Variants in TTC29 observed in about 807,000 individuals in gnomAD.
TTC29 encodes the protein tetratricopeptide repeat protein 29.
A neutral mutation model predicts 58.1 loss-of-function variants in TTC29; 49 were observed. That is an observed-to-expected ratio of 0.84 (90% confidence interval 0.67 to 1.07). The LOEUF is 1.07. Among genes scored for constraint, TTC29 ranks in the 50% least tolerant of loss-of-function variants. The pLI, the probability that TTC29 is intolerant of heterozygous loss-of-function variation, is 0.00. For synonymous variants in TTC29, 209 were observed against 196.8 expected, an observed-to-expected ratio of 1.06 and a Z score of -0.52; for missense variants, 582 against 555.6, an observed-to-expected ratio of 1.05 and a Z score of -0.48.
In TTC29 at chr4:146,920,210, C is replaced by T. The variant is rs1423490797; in HGVS notation, c.177-10961G>A. The stretch of plus-strand genomic sequence containing the variant: ...CATAATGTACAAAAGTTGATTAGAA[C>T]TTTTTTAACCTTTTCAAGAAAAAAC... On this transcript the variant is annotated intron_variant, in intron 4 of 12. Coordinates refer to ENST00000325106, the MANE Select transcript of TTC29 (RefSeq NM_031956.4). Among the ~76,000 whole-genome samples the T allele has an allele frequency of 2.0e-5, 3 of 151,072 alleles. No individual in the cohort carries two copies. The East Asian group carries it at 5.8e-4, about 29-fold the overall frequency.
Position 146,909,157 on chromosome 4 carries a change from C to T in TTC29, c.269G>A (p.Arg90Gln), listed in dbSNP as rs543703131. 1.8e-5 allele frequency: 29 copies of T among 1,613,822 alleles called. No individual in the cohort carries two copies. Among genetic ancestry groups the T allele is most frequent in the South Asian group, 1.5e-4 (14 of 91,078 alleles). The change falls in exon 5 of 13, where the codon CGG becomes CAG. Residue 90 changes from arginine (R) to glutamine (Q), a missense_variant. By Grantham distance (43) the Arg-to-Gln change is conservative. Coordinates refer to ENST00000325106, the MANE Select transcript of TTC29 (RefSeq NM_031956.4). ...SFTELFALME[R>Q]WDALREAARV... is the part of the protein sequence containing the mutation. ...CGCAGCCTCCCTCAGGGCATCCCACCGCTCCATCAGAGCGAAGAGCTCGGT... is the reference window on the plus strand; with the variant it reads ...CGCAGCCTCCCTCAGGGCATCCCACTGCTCCATCAGAGCGAAGAGCTCGGT...
At chr4:146,748,892 G>A (rs549605596) in intron 11 of TTC29, among the ~76,000 whole-genome samples, 10 of 152,030 alleles carry the variant, frequency 6.6e-5, no homozygotes, top group Admixed American at 2.0e-4. Context: ...TGACCCCCCC[G>A]CAAAATAGAA....
chr4:146,857,592 T>A (rs1185564427), intron 8 of TTC29, among the ~76,000 whole-genome samples: 1 of 152,172 alleles, frequency 6.6e-6, no homozygotes, highest in East Asian at 1.9e-4. Flanking sequence ...CAGGCTTGTC[T>A]GCATGTTATA....
At chr4:146,755,127 C>T (rs1289151688) in intron 11 of TTC29, among the ~76,000 whole-genome samples, 1 of 151,588 alleles carries the variant, frequency 6.6e-6, no homozygotes, top group Admixed American at 6.6e-5. Context: ...TTTAAAAGTC[C>T]CATTAATAAT....
intron 9 of TTC29, among the ~76,000 whole-genome samples, chr4:146,829,965 C>T (rs781349180): frequency 1.5e-4 from 23 of 152,054 alleles, no homozygotes; most frequent in Non-Finnish European, 2.9e-4. Context: ...AAAAGAGAAA[C>T]GCCATAAGGA....
At chr4:146,728,867 A>G (rs190316512) in intron 11 of TTC29, among the ~76,000 whole-genome samples, 3,343 of 46,848 alleles carry the variant, frequency 0.071, 599 homozygotes, top group African/African-American at 0.14. Flanking sequence ...ACACATATAT[A>G]TGTGTGTGTA....
chr4:146,778,355 C>T (rs969329777), intron 11 of TTC29, among the ~76,000 whole-genome samples: 7 of 151,920 alleles, frequency 4.6e-5, no homozygotes, highest in African/African-American at 1.4e-4. Context: ...TATCTAACTT[C>T]ACTTTTGATT....
At chr4:146,716,673 C>A (rs914042506) in intron 11 of TTC29, among the ~76,000 whole-genome samples, 2 of 151,964 alleles carry the variant, frequency 1.3e-5, no homozygotes, top group African/African-American at 4.8e-5. Context: ...TATACAGTAT[C>A]CAGTCCAAAT....
chr4:146,802,452 G>A (rs962992821), intron 11 of TTC29, among the ~76,000 whole-genome samples: 15 of 152,186 alleles, frequency 9.9e-5, no homozygotes, highest in African/African-American at 3.4e-4. Flanking sequence ...TCTTACTATG[G>A]ATGTATTTGG....
chr4:146,708,337 T>C (rs1281812421), intron 11 of TTC29, among the ~76,000 whole-genome samples: 2 of 96,430 alleles, frequency 2.1e-5, no homozygotes, highest in Non-Finnish European at 4.2e-5. Context: ...TATATATATA[T>C]ATATATATAT....
chr4:146,800,349 T>A (rs1750128378), intron 11 of TTC29, among the ~76,000 whole-genome samples: 1 of 152,214 alleles, frequency 6.6e-6, no homozygotes, highest in African/African-American at 2.4e-5. Context: ...TCTGAGCTAA[T>A]GATTTGTTTG....
chr4:146,771,437 T>G (rs1356369284), intron 11 of TTC29, among the ~76,000 whole-genome samples: 1 of 151,936 alleles, frequency 6.6e-6, no homozygotes, highest in Non-Finnish European at 1.5e-5. Flanking sequence ...GTAGGCCGAG[T>G]GTCTGCTGTT....
At chr4:146,722,877 T>C (rs1416927090) in intron 11 of TTC29, among the ~76,000 whole-genome samples, 1 of 152,122 alleles carries the variant, frequency 6.6e-6, no homozygotes, top group African/African-American at 2.4e-5. Flanking sequence ...TTTGTATTTT[T>C]AGTAGAGACA....
intron 6 of TTC29, among the ~76,000 whole-genome samples, chr4:146,889,860 T>G (rs1193268878): frequency 6.6e-6 from 1 of 152,172 alleles, no homozygotes; most frequent in African/African-American, 2.4e-5. Flanking sequence ...GAAAAAATTT[T>G]TATATGAGAT....
intron 10 of TTC29, among the ~76,000 whole-genome samples, chr4:146,819,605 GTTC>G (rs1468922362): frequency 7.2e-5 from 11 of 152,014 alleles, no homozygotes; most frequent in Non-Finnish European, 1.6e-4. Context: ...GGACTTTTTT[GTTC>G]TTCTTCCTGT....
chr4:146,773,830 C>T (rs1339734671), intron 11 of TTC29, among the ~76,000 whole-genome samples: 2 of 151,442 alleles, frequency 1.3e-5, no homozygotes, highest in African/African-American at 4.9e-5. Flanking sequence ...ACCAGCTCTT[C>T]TTTATATATC....
chr4:146,754,374 AAAG>A (rs1216321687), intron 11 of TTC29, among the ~76,000 whole-genome samples: 8 of 152,090 alleles, frequency 5.3e-5, no homozygotes, highest in South Asian at 2.1e-4. Flanking sequence ...GCAAACATAC[AAAG>A]AAGAATTATA....
At chr4:146,871,870 A>C (rs1730953248) in intron 7 of TTC29, among the ~76,000 whole-genome samples, 1 of 152,032 alleles carries the variant, frequency 6.6e-6, no homozygotes, top group Non-Finnish European at 1.5e-5. Context: ...TCAAAATTCC[A>C]GCTCCCCTTT....
At chr4:146,916,644 A>G (rs1215164372) in intron 4 of TTC29, among the ~76,000 whole-genome samples, 1 of 151,702 alleles carries the variant, frequency 6.6e-6, no homozygotes, top group Admixed American at 6.6e-5. Context: ...ATGATTTCCA[A>G]TGAGTTGACT....
Sources: gnomAD v4.1 joint callset for allele counts (sites outside exome capture counted in the v4.1 genomes callset) on GRCh38, gnomAD v4.1.1 for gene constraint, MANE v1.5 for transcripts, NCBI Gene and HGNC (gene_info 2026-07-23, HGNC 2026-07-21) for gene names.